The following GALNT13 variants were observed in gnomAD, a reference collection of about 807,000 sequenced individuals.
The protein encoded by GALNT13 is polypeptide N-acetylgalactosaminyltransferase 13, also known as UDP-GalNAc:polypeptide N-acetylgalactosaminyltransferase 13.
GALNT13 carries 28 observed loss-of-function variants against 64.2 expected under a neutral mutation model. The ratio of observed to expected loss-of-function variants is 0.44; its 90% confidence interval spans 0.32 to 0.60. The LOEUF (loss-of-function observed/expected upper bound fraction) is 0.60. GALNT13 is among the 20% of genes least tolerant of loss of function. The pLI, the probability that GALNT13 is intolerant of heterozygous loss-of-function variation, is 0.05. For missense variants in GALNT13, 577 were observed against 669.8 expected (o/e 0.86, Z 1.53); for synonymous variants, 214 against 224.6 (o/e 0.95, Z 0.42).
the GALNT13 span, among the ~76,000 whole-genome samples, chr2:153,629,650 A>C: frequency 3.3e-5 from 5 of 152,262 alleles, no homozygotes; most frequent in East Asian, 9.6e-4. Flanking sequence ...GACAAATGGG[A>C]TCTAATTAAA....
chr2:154,147,626 G>A (rs1683694397), intron 4 of GALNT13, among the ~76,000 whole-genome samples: 1 of 151,774 alleles, frequency 6.6e-6, no homozygotes, highest in African/African-American at 2.4e-5. Flanking sequence ...TGCATCATAG[G>A]TAAACAGGTA....
chr2:153,887,699 G>C (rs781479519), intron 1 of GALNT13, among the ~76,000 whole-genome samples: 1 of 151,888 alleles, frequency 6.6e-6, no homozygotes, highest in East Asian at 1.9e-4. Context: ...CAACATCACC[G>C]CTGATTTTTG....
chr2:154,279,807 A>G (rs1691860234), intron 8 of GALNT13, among the ~76,000 whole-genome samples: 1 of 152,144 alleles, frequency 6.6e-6, no homozygotes, highest in Admixed American at 6.6e-5. Flanking sequence ...TTTTTTTAAT[A>G]AAAAACTGTC....
intron 11 of GALNT13, chr2:154,436,176 T>C (rs1191698921): frequency 6.6e-6 from 1 of 152,002 alleles, no homozygotes; most frequent in Non-Finnish European, 1.5e-5. Context: ...CATCTGTTAA[T>C]TTTTTTTCAA....
At chr2:154,057,751 C>A (rs1306492236) in intron 3 of GALNT13, among the ~76,000 whole-genome samples, 1 of 152,122 alleles carries the variant, frequency 6.6e-6, no homozygotes, top group Non-Finnish European at 1.5e-5. Context: ...ATTTACTCAG[C>A]AATTAGAAAT....
chr2:153,337,113 G>C, the GALNT13 span, among the ~76,000 whole-genome samples: 49 of 152,180 alleles, frequency 3.2e-4, no homozygotes, highest in African/African-American at 1.2e-3. Context: ...GTCTTTATCA[G>C]CAGCGTGAAA....
the GALNT13 span, among the ~76,000 whole-genome samples, chr2:153,539,454 T>G: frequency 1.3e-5 from 2 of 152,056 alleles, no homozygotes; most frequent in South Asian, 4.1e-4. Flanking sequence ...GTTTTAGACA[T>G]GAAGTCCTTG....
At chr2:153,659,543 A>G in the GALNT13 span, among the ~76,000 whole-genome samples, 1 of 152,158 alleles carries the variant, frequency 6.6e-6, no homozygotes, top group Non-Finnish European at 1.5e-5. Context: ...ACATAATCAA[A>G]TAAGTATAGT....
chr2:153,605,234 A>T, the GALNT13 span, among the ~76,000 whole-genome samples: 1 of 152,106 alleles, frequency 6.6e-6, no homozygotes. Context: ...ATCAGTAGCA[A>T]GTAATAGATA....
the GALNT13 span, among the ~76,000 whole-genome samples, chr2:153,821,665 C>T: frequency 6.6e-6 from 1 of 151,946 alleles, no homozygotes. Context: ...AACATTATAC[C>T]TAGAAGAAAT....
At chr2:153,452,201 C>T in the GALNT13 span, among the ~76,000 whole-genome samples, 80 of 152,238 alleles carry the variant, frequency 5.3e-4, 1 homozygote, top group Admixed American at 9.8e-4. Flanking sequence ...ACAAAACATA[C>T]GGCATAAGAA....
chr2:153,545,544 C>G, the GALNT13 span, among the ~76,000 whole-genome samples: 1 of 152,300 alleles, frequency 6.6e-6, no homozygotes, highest in Non-Finnish European at 1.5e-5. Context: ...GCTGCTTCTA[C>G]AGAAGGGATG....
At chr2:153,154,632 C>G in the GALNT13 span, among the ~76,000 whole-genome samples, 40 of 152,062 alleles carry the variant, frequency 2.6e-4, no homozygotes, top group Admixed American at 2.4e-3. Flanking sequence ...GTTTAAGAAG[C>G]TTTGGGCCGA....
chr2:154,338,920 G>A (rs1475322626), intron 9 of GALNT13, among the ~76,000 whole-genome samples: 1 of 152,010 alleles, frequency 6.6e-6, no homozygotes, highest in Non-Finnish European at 1.5e-5. Flanking sequence ...CAAATTATCA[G>A]AACATAGAAA....
the GALNT13 span, chr2:153,478,725 A>G: frequency 2.5e-4 from 159 of 639,542 alleles, no homozygotes; most frequent in African/African-American, 2.8e-3. Context: ...GGAGTTTCCC[A>G]GGAGCCTCTC....
chr2:153,810,531 G>A, the GALNT13 span, among the ~76,000 whole-genome samples: 1 of 151,962 alleles, frequency 6.6e-6, no homozygotes, highest in Non-Finnish European at 1.5e-5. Flanking sequence ...TTATACATTT[G>A]TTATTTTACA....
intron 1 of GALNT13, among the ~76,000 whole-genome samples, chr2:153,877,418 C>A (rs1686455893): frequency 6.6e-6 from 1 of 152,038 alleles, no homozygotes; most frequent in South Asian, 2.1e-4. Flanking sequence ...TGGTGAGTAG[C>A]CACTGTAAAC....
At chr2:153,399,047 A>C in the GALNT13 span, among the ~76,000 whole-genome samples, 2 of 127,932 alleles carry the variant, frequency 1.6e-5, no homozygotes, top group African/African-American at 3.1e-5. Flanking sequence ...TAGGGTTTTT[A>C]TGGTTTTAGG....
chr2:153,687,751 T>A, the GALNT13 span, among the ~76,000 whole-genome samples: 1 of 151,876 alleles, frequency 6.6e-6, no homozygotes, highest in Non-Finnish European at 1.5e-5. Flanking sequence ...AAGGAAATGA[T>A]GATTTAGCCT....
Sources: allele counts gnomAD v4.1 joint callset (sites outside exome capture counted in the v4.1 genomes callset), GRCh38; gene constraint gnomAD v4.1.1; transcripts MANE v1.5; gene names NCBI Gene and HGNC (gene_info 2026-07-23, HGNC 2026-07-21).